The following ERC1 variants were observed in gnomAD, a reference collection of about 807,000 sequenced individuals.
ERC1 encodes RAB6 interacting protein 2.
In ERC1, 56 loss-of-function variants were observed where a neutral mutation model predicts 132.0. The observed-to-expected ratio is 0.42, with a 90% confidence interval of 0.34 to 0.53. The LOEUF (loss-of-function observed/expected upper bound fraction) is 0.53. Among genes scored for constraint, ERC1 ranks in the 20% least tolerant of loss-of-function variants. ERC1 has a pLI of 0.03. For missense variants in ERC1, 1,202 were observed against 1,349.9 expected, an observed-to-expected ratio of 0.89 and a Z score of 1.72; for synonymous variants, 478 against 476.1, an observed-to-expected ratio of 1.00 and a Z score of -0.05.
chr12:1,415,913 A>T (rs1333853527), intron 17 of ERC1, among the ~76,000 whole-genome samples: 1 of 152,230 alleles, frequency 6.6e-6, no homozygotes, highest in Admixed American at 6.5e-5. Flanking sequence ...AGCATTTACT[A>T]TAGGTCCAGC....
chr12:1,185,955 T>C (rs996998702), intron 11 of ERC1, among the ~76,000 whole-genome samples: 1 of 152,194 alleles, frequency 6.6e-6, no homozygotes, highest in Non-Finnish European at 1.5e-5. Flanking sequence ...CGCTAACACA[T>C]TAAAATATGT....
intron 16 of ERC1, chr12:1,386,823 G>A (rs2089432999): frequency 6.6e-6 from 1 of 152,038 alleles, no homozygotes; most frequent in South Asian, 2.1e-4. Flanking sequence ...TCCTGCAGGA[G>A]TAACTGCTCT....
At chr12:1,388,747 A>G (rs949735566) in intron 16 of ERC1, among the ~76,000 whole-genome samples, 4 of 152,234 alleles carry the variant, frequency 2.6e-5, no homozygotes, top group Non-Finnish European at 5.9e-5. Flanking sequence ...AGACTGTTTA[A>G]GAATCTATTC....
At chr12:1,309,612 T>G (rs2081139401) in intron 15 of ERC1, among the ~76,000 whole-genome samples, 1 of 152,048 alleles carries the variant, frequency 6.6e-6, no homozygotes, top group Non-Finnish European at 1.5e-5. Flanking sequence ...CCCTTCTCTC[T>G]CCCTTTTTGT....
chr12:1,246,035 T>A (rs923420805), intron 13 of ERC1, among the ~76,000 whole-genome samples: 1 of 152,150 alleles, frequency 6.6e-6, no homozygotes, highest in Non-Finnish European at 1.5e-5. Flanking sequence ...CCTCCCAGGG[T>A]GCTGGGATTA....
chr12:1,011,268 C>T (rs746927091), intron 1 of ERC1, among the ~76,000 whole-genome samples: 8 of 152,038 alleles, frequency 5.3e-5, no homozygotes, highest in Non-Finnish European at 1.2e-4. Flanking sequence ...TTGCCATCAC[C>T]GCTCACTCTC....
chr12:1,375,879 G>T (rs1012252829), intron 16 of ERC1, among the ~76,000 whole-genome samples: 1 of 151,784 alleles, frequency 6.6e-6, no homozygotes, highest in African/African-American at 2.4e-5. Flanking sequence ...TGGGATTATG[G>T]GTGCCCGCCA....
At chr12:1,170,387 T>G (rs1255377221) in intron 8 of ERC1, among the ~76,000 whole-genome samples, 1 of 152,168 alleles carries the variant, frequency 6.6e-6, no homozygotes, top group African/African-American at 2.4e-5. Flanking sequence ...TAAAAAAATA[T>G]TGGATCTCTC....
intron 14 of ERC1, among the ~76,000 whole-genome samples, chr12:1,283,557 C>T (rs1209595202): frequency 6.6e-6 from 1 of 152,118 alleles, no homozygotes; most frequent in Non-Finnish European, 1.5e-5. Context: ...GGCTTAGAGC[C>T]AGAGAGCAAA....
At chr12:1,056,490 A>G (rs937091455) in intron 2 of ERC1, among the ~76,000 whole-genome samples, 1 of 152,148 alleles carries the variant, frequency 6.6e-6, no homozygotes, top group African/African-American at 2.4e-5. Flanking sequence ...GGTTTTATAG[A>G]TAAGCTTGAG....
intron 2 of ERC1, among the ~76,000 whole-genome samples, chr12:1,069,191 A>G (rs1362081727): frequency 6.6e-6 from 1 of 152,168 alleles, no homozygotes; most frequent in Non-Finnish European, 1.5e-5. Flanking sequence ...GTTTTTATGA[A>G]ATAGCAGTTT....
chr12:1,277,298 G>T (rs973463394), intron 14 of ERC1, among the ~76,000 whole-genome samples: 1 of 152,200 alleles, frequency 6.6e-6, no homozygotes, highest in Non-Finnish European at 1.5e-5. Flanking sequence ...TGCAGAGCAG[G>T]TATAAACTGA....
At chr12:1,469,806 A>G (rs947563585) in intron 18 of ERC1, among the ~76,000 whole-genome samples, 3 of 152,204 alleles carry the variant, frequency 2.0e-5, no homozygotes, top group Non-Finnish European at 4.4e-5. Flanking sequence ...CACATAAAGT[A>G]CTGTTTTCCC....
intron 2 of ERC1, among the ~76,000 whole-genome samples, chr12:1,069,438 A>G (rs990275727): frequency 6.6e-6 from 1 of 152,192 alleles, no homozygotes; most frequent in African/African-American, 2.4e-5. Flanking sequence ...TCAAGGATCT[A>G]TATAGATGGA....
At chr12:1,148,276 T>C (rs1386146033) in intron 8 of ERC1, among the ~76,000 whole-genome samples, 1 of 152,172 alleles carries the variant, frequency 6.6e-6, no homozygotes, top group East Asian at 1.9e-4. Flanking sequence ...TTGACTCACA[T>C]TTCCATATCT....
At chr12:1,009,487 T>C (rs569127668) in intron 1 of ERC1, among the ~76,000 whole-genome samples, 1 of 152,312 alleles carries the variant, frequency 6.6e-6, no homozygotes, top group African/African-American at 2.4e-5. Context: ...ATTTTGACTT[T>C]AGAGTTTGAT....
At chr12:1,005,580 T>TG (rs1963414469) in intron 1 of ERC1, among the ~76,000 whole-genome samples, 1 of 152,210 alleles carries the variant, frequency 6.6e-6, no homozygotes, top group African/African-American at 2.4e-5. Flanking sequence ...ATTTTTCTGG[T>TG]GGTTACTGTA....
At position 1,110,356 on chromosome 12, in the gene ERC1, A is replaced by G; in HGVS notation, c.1317+9A>G. ...AATTTATGAAAAATAAGGTAATGGC[A>G]TGTGAGACTTTTGATTCTTAAAAGG... On this transcript the variant is annotated intron_variant, in intron 5 of 18. Coordinates refer to ENST00000360905, the MANE Select transcript of ERC1 (RefSeq NM_178040.4). 1 of 1,582,856 alleles carries G rather than the reference A, an allele frequency of 6.3e-7. No individual in the cohort carries two copies. The highest frequency in any genetic ancestry group is 8.6e-7 in the Non-Finnish European group (1 of 1,167,424).
At chr12:1,189,664 T>G (rs868354546) in intron 11 of ERC1, among the ~76,000 whole-genome samples, 195 bp from the exon 12 acceptor site, 4 of 152,362 alleles carry the variant, frequency 2.6e-5, no homozygotes, top group Middle Eastern at 6.8e-3. Flanking sequence ...ACTTGGAACC[T>G]AAGATAATTC....
Sources: gnomAD v4.1 joint callset for allele counts (sites outside exome capture counted in the v4.1 genomes callset) on GRCh38, gnomAD v4.1.1 for gene constraint, MANE v1.5 for transcripts, NCBI Gene and HGNC (gene_info 2026-07-23, HGNC 2026-07-21) for gene names.